The following PNPT1 variants were observed in gnomAD, a reference collection of about 807,000 sequenced individuals.
The protein encoded by PNPT1 is polyribonucleotide nucleotidyltransferase 1.
A neutral mutation model predicts 119.5 loss-of-function variants in PNPT1; 53 were observed. That is an observed-to-expected ratio of 0.44 (90% CI 0.36 to 0.56). The LOEUF is 0.56. PNPT1 is among the 20% of genes least tolerant of loss of function. The pLI, the probability that PNPT1 is intolerant of heterozygous loss-of-function variation, is 0.00. For missense variants in PNPT1, 948 were observed against 938.5 expected (o/e 1.01, Z -0.13); for synonymous variants, 357 against 322.1 (o/e 1.11, Z -1.16).
chr2:55,636,799 G>A (rs934853770), intron 27 of PNPT1, among the ~76,000 whole-genome samples: 2 of 152,176 alleles, frequency 1.3e-5, no homozygotes, highest in Non-Finnish European at 2.9e-5. Flanking sequence ...ACACATTAGT[G>A]TTTATTTGGC....
At chr2:55,652,331 C>T (rs1395548857) in intron 18 of PNPT1, among the ~76,000 whole-genome samples, 2 of 152,188 alleles carry the variant, frequency 1.3e-5, no homozygotes, top group Non-Finnish European at 2.9e-5. Flanking sequence ...CGGCCCATCC[C>T]ACAGGACTTG....
intron 5 of PNPT1, among the ~76,000 whole-genome samples, chr2:55,681,360 T>C (rs1016593258): frequency 5.3e-5 from 8 of 152,004 alleles, no homozygotes; most frequent in African/African-American, 1.9e-4. Context: ...TGAGCTGAGA[T>C]CACGCCATTG....
At chr2:55,660,935 T>C (rs563375364) in intron 14 of PNPT1, among the ~76,000 whole-genome samples, 1 of 152,156 alleles carries the variant, frequency 6.6e-6, no homozygotes, top group South Asian at 2.1e-4. Flanking sequence ...TCCTCATCAG[T>C]TGGGCATCAG....
Position 55,635,808 on chromosome 2 carries a change from G to C in PNPT1, c.*429C>G, listed in dbSNP as rs1431226391. 6.5e-6 allele frequency: 1 copy of C among 152,860 alleles called. No homozygotes were observed. The highest frequency in any genetic ancestry group is 1.5e-5 in the Non-Finnish European group (1 of 68,580). The allele number at this position is 152,860 out of a possible 1,614,324, so 9.5% of individuals were successfully genotyped here. A position where few individuals can be genotyped will look rare whatever the true frequency, so the allele number is the denominator to read the frequency against. On this transcript the variant is annotated 3_prime_UTR_variant, in exon 28 of 28. Transcript: ENST00000447944. Reference sequence around the variant, plus strand: ...CTGTTCCAGTTTGTGAACCGTTGTAGGCAAGTAAAGTTGTTGGGCACAGAG... The same window carrying C: ...CTGTTCCAGTTTGTGAACCGTTGTACGCAAGTAAAGTTGTTGGGCACAGAG...
At chr2:55,674,895 C>A (rs919125810) in intron 8 of PNPT1, among the ~76,000 whole-genome samples, 3 of 152,304 alleles carry the variant, frequency 2.0e-5, no homozygotes, top group South Asian at 2.1e-4. Flanking sequence ...CTCACTTTGA[C>A]AGGATTAATC....
At chr2:55,668,965 G>GA (rs1559102621) in intron 11 of PNPT1, among the ~76,000 whole-genome samples, 3 of 152,276 alleles carry the variant, frequency 2.0e-5, no homozygotes, top group African/African-American at 7.2e-5. Flanking sequence ...GCAAATTGGG[G>GA]AAAAATTTTA....
At chr2:55,681,018 G>C in intron 5 of PNPT1, 100 bp from the exon 6 acceptor site, 1 of 902,622 alleles carries the variant, frequency 1.1e-6, no homozygotes, top group Non-Finnish European at 1.8e-6. Flanking sequence ...CAGGGGCTTT[G>C]TAGCCAAACC....
chr2:55,643,068 G>A (rs1459562460), intron 25 of PNPT1, 90 bp downstream of exon 25: 3 of 1,365,238 alleles, frequency 2.2e-6, no homozygotes, highest in Non-Finnish European at 3.1e-6. Context: ...GAGGTACAAT[G>A]GCACCACTGT....
chr2:55,660,329 C>G, intron 14 of PNPT1, 136 bp from the exon 15 acceptor site: 1 of 863,892 alleles, frequency 1.2e-6, no homozygotes, highest in Non-Finnish European at 1.7e-6. Context: ...AACTGAAAAC[C>G]AAAGAATTAA....
At chr2:55,681,904 G>A (rs1430632360) in intron 5 of PNPT1, among the ~76,000 whole-genome samples, 1 of 150,848 alleles carries the variant, frequency 6.6e-6, no homozygotes, top group Non-Finnish European at 1.5e-5. Flanking sequence ...CATGTTGGGA[G>A]GCTGAGGCGG....
At chr2:55,638,520 G>C (rs1695745496) in intron 26 of PNPT1, among the ~76,000 whole-genome samples, 1 of 151,898 alleles carries the variant, frequency 6.6e-6, no homozygotes, top group African/African-American at 2.4e-5. Context: ...GTAGCGGTTT[G>C]TGCCTGGGGA....
intron 23 of PNPT1, 77 bp from the exon 24 acceptor site, chr2:55,643,502 T>TG (rs1014630321): frequency 2.7e-5 from 34 of 1,275,582 alleles, no homozygotes; most frequent in African/African-American, 4.4e-5. Context: ...CCCAGCACTC[T>TG]GGGGGGCTGA....
intron 14 of PNPT1, 91 bp from the exon 15 acceptor site, chr2:55,660,284 CA>C: frequency 7.6e-7 from 1 of 1,312,112 alleles, no homozygotes; most frequent in South Asian, 1.6e-5. Context: ...GGGGATTTTA[CA>C]AAAGAACTAG....
Position 55,693,745 on chromosome 2 carries a change from C to T in PNPT1, c.79G>A (p.Asp27Asn). The T allele has an allele frequency of 6.2e-7, 1 of 1,614,216 alleles. No homozygotes were observed. The highest frequency in any genetic ancestry group is 8.5e-7 in the Non-Finnish European group (1 of 1,180,052). The stretch of plus-strand genomic sequence containing the variant: ...ACTTGCAACTGGGTGAGTGCCCGAT[C>T]CCGCCGTGGCAGAAGGAAAGGACCA... ...SDGPFLLPRR[D>N]RALTQLQVRA... Residue 27 changes from aspartate to asparagine, a missense_variant, in exon 1 of 28, where the codon GAT (aspartate) becomes AAT (asparagine). Asp to Asn is a conservative substitution (Grantham distance 23). Transcript: ENST00000447944.
In PNPT1 at chr2:55,667,764, T is replaced by C. The variant is rs991653089; in HGVS notation, c.1073+98A>G. ...AATATTATAATTCTTTACTGTTCAC[T>C]TGAAAAAAAACAAACTTTCTTTGAT... On this transcript the variant is annotated intron_variant, in intron 12 of 27. Coordinates refer to ENST00000447944, the MANE Select transcript of PNPT1 (RefSeq NM_033109.5). The C allele has an allele frequency of 6.8e-6, 10 of 1,465,620 alleles. No homozygotes were observed. In the African/African-American group the frequency reaches 1.4e-4, roughly 21 times the overall value. The allele number at this position is 1,465,620 out of a possible 1,614,324, so 90.8% of individuals were successfully genotyped here.
chr2:55,687,981 C>G (rs1041674434), intron 1 of PNPT1, among the ~76,000 whole-genome samples: 1 of 151,868 alleles, frequency 6.6e-6, no homozygotes, highest in Admixed American at 6.6e-5. Context: ...TGTTAATTCC[C>G]ATGTACCATC....
Position 55,667,909 on chromosome 2 carries a change from A to G in PNPT1, c.1026T>C (p.Val342=), listed in dbSNP as rs754164343. 56 of 1,583,076 alleles carry G rather than the reference A, an allele frequency of 3.5e-5. No homozygotes were observed. Among genetic ancestry groups the G allele is most frequent in the Admixed American group, 6.1e-5 (3 of 48,970 alleles). Residue 342 remains valine (V), a synonymous_variant, in exon 12 of 28, where the codon GTT becomes GTC. Coordinates refer to ENST00000447944, the MANE Select transcript of PNPT1 (RefSeq NM_033109.5). ...TACTTCTAAAAACTTCCTTTGCAAC[A>G]ACATTGAAGGATTCTATTATTTCAT... ...DPYEIIESFN[V]VAKEVFRSIV... is the part of the protein sequence containing the mutation.
chr2:55,693,639 C>T, intron 1 of PNPT1, 24 bp downstream of exon 1: 2 of 1,613,398 alleles, frequency 1.2e-6, no homozygotes, highest in African/African-American at 1.3e-5. Flanking sequence ...TATGACAATA[C>T]AGTGAACGCA....
intron 4 of PNPT1, 98 bp downstream of exon 4, chr2:55,684,845 A>G: frequency 7.5e-7 from 1 of 1,325,842 alleles, no homozygotes; most frequent in Non-Finnish European, 9.8e-7. Flanking sequence ...AATGCTATGA[A>G]GGAAAACTTA....
Sources: gnomAD v4.1 joint callset for allele counts (sites outside exome capture counted in the v4.1 genomes callset) on GRCh38, gnomAD v4.1.1 for gene constraint, MANE v1.5 for transcripts, NCBI Gene and HGNC (gene_info 2026-07-23, HGNC 2026-07-21) for gene names.